Variants in DOK6 observed in about 807,000 individuals in gnomAD.
DOK6 encodes the protein downstream of tyrosine kinase 6.
Under a neutral mutation model 44.0 loss-of-function variants are expected in DOK6, and 22 were observed. The ratio of observed to expected loss-of-function variants is 0.50; its 90% CI spans 0.36 to 0.71. DOK6 has a LOEUF of 0.71. DOK6 is among the 30% of genes least tolerant of loss of function. DOK6 has a pLI of 0.00. For missense variants in DOK6, 340 were observed against 416.4 expected (o/e 0.82, Z 1.60); for synonymous variants, 166 against 145.5 (o/e 1.14, Z -1.01).
intron 3 of DOK6, among the ~76,000 whole-genome samples, chr18:69,617,244 C>A (rs1037021873): frequency 6.6e-6 from 1 of 151,658 alleles, no homozygotes; most frequent in Non-Finnish European, 1.5e-5. Flanking sequence ...AGAGTGAGCC[C>A]AAGAGGTTGA....
rs190804223 is a variant in DOK6, at chr18:69,549,045, A to G, written c.67-15442A>G. Among the ~76,000 whole-genome samples the G allele has an allele frequency of 1.0e-3, 157 of 150,504 alleles. 5 individuals are homozygous for G. The East Asian group carries it at 0.027, about 26-fold the overall frequency. ...CGGGTGACGGAGCCTGCAGTGAGCC[A>G]AGATCGCGCCACTGCACATCAGCCT... On this transcript the variant is annotated intron_variant, in intron 1 of 7. Coordinates refer to ENST00000382713, the MANE Select transcript of DOK6 (RefSeq NM_152721.6).
intron 3 of DOK6, among the ~76,000 whole-genome samples, chr18:69,637,745 T>A (rs1051820783): frequency 7.0e-5 from 10 of 142,926 alleles, no homozygotes; most frequent in African/African-American, 2.5e-4. Flanking sequence ...TCTTTTTTTT[T>A]AAACCAGCAA....
At chr18:69,762,645 T>C (rs1599311836) in intron 7 of DOK6, among the ~76,000 whole-genome samples, 1 of 152,216 alleles carries the variant, frequency 6.6e-6, no homozygotes, top group South Asian at 2.1e-4. Flanking sequence ...AAAACTTTCA[T>C]ATATTTAAAG....
In DOK6 at chr18:69,492,137, C is replaced by A. The variant is rs73969766; in HGVS notation, c.67-72350C>A. Among the ~76,000 whole-genome samples, 256 of 152,140 alleles carry A rather than the reference C, an allele frequency of 1.7e-3. 2 individuals carry two copies. The highest frequency in any genetic ancestry group is 5.8e-3 in the African/African-American group (241 of 41,496). On this transcript the variant is annotated intron_variant, in intron 1 of 7. Coordinates refer to ENST00000382713, the MANE Select transcript of DOK6 (RefSeq NM_152721.6). ...TGTTATCTTATTTGCAGATAAACAA[C>A]GCATGTAAAAAGACTAATGTACTGT...
chr18:69,705,918 TA>T (rs34296321), intron 5 of DOK6, among the ~76,000 whole-genome samples: 93,375 of 145,740 alleles, frequency 0.64, 30,057 homozygotes, highest in East Asian at 0.86. Context: ...TAAATGTGAT[TA>T]AAAAAAAAAA....
intron 1 of DOK6, among the ~76,000 whole-genome samples, chr18:69,527,602 G>A (rs1981866584): frequency 6.6e-6 from 1 of 152,168 alleles, no homozygotes; most frequent in African/African-American, 2.4e-5. Flanking sequence ...TGGGGACAGA[G>A]TCAAACCATA....
At chr18:69,538,486 G>A (rs908492316) in intron 1 of DOK6, among the ~76,000 whole-genome samples, 2 of 152,020 alleles carry the variant, frequency 1.3e-5, no homozygotes, top group Non-Finnish European at 1.5e-5. Context: ...GGGCTCAAGC[G>A]ATCCTCTACC....
chr18:69,694,677 A>G (rs941431153), intron 4 of DOK6, among the ~76,000 whole-genome samples: 7 of 152,152 alleles, frequency 4.6e-5, no homozygotes, highest in Non-Finnish European at 1.0e-4. Context: ...TTGTTTCTAC[A>G]TAACCTTTTC....
chr18:69,731,330 T>C (rs188779886), intron 5 of DOK6, among the ~76,000 whole-genome samples: 1 of 152,274 alleles, frequency 6.6e-6, no homozygotes, highest in Non-Finnish European at 1.5e-5. Context: ...AAATATTACA[T>C]CTTCCATTGA....
At chr18:69,513,302 G>C (rs1177413042) in intron 1 of DOK6, among the ~76,000 whole-genome samples, 1 of 152,224 alleles carries the variant, frequency 6.6e-6, no homozygotes, top group African/African-American at 2.4e-5. Flanking sequence ...AGCTAATTAA[G>C]TTTCTAGCCT....
At chr18:69,749,053 GA>G (rs1184343893) in intron 6 of DOK6, among the ~76,000 whole-genome samples, 8 of 151,862 alleles carry the variant, frequency 5.3e-5, no homozygotes, top group African/African-American at 1.7e-4. Context: ...ACTAATGCAG[GA>G]ACAGAAAACC....
At position 69,507,240 on chromosome 18, in the gene DOK6, A is replaced by G. The variant is rs141027675; in HGVS notation, c.67-57247A>G. Among the ~76,000 whole-genome samples the G allele has an allele frequency of 6.2e-3, 940 of 151,198 alleles. 9 individuals are homozygous for G. The highest frequency in any genetic ancestry group is 0.018 in the African/African-American group (738 of 41,434). Reference sequence around the variant, plus strand: ...GAGGGGGTTTCACCGTGTTAGCCAGAATGGTCTTGATCTCCTGACCTTGTG... The same window carrying G: ...GAGGGGGTTTCACCGTGTTAGCCAGGATGGTCTTGATCTCCTGACCTTGTG... On this transcript the variant is annotated intron_variant, in intron 1 of 7. Transcript: ENST00000382713.
intron 1 of DOK6, among the ~76,000 whole-genome samples, chr18:69,408,506 TTATTTAAA>T (rs1213267999): frequency 9.2e-5 from 14 of 152,346 alleles, no homozygotes; most frequent in African/African-American, 3.1e-4. Context: ...ATTTTACAAG[TTATTTAAA>T]TAGTTAAATA....
intron 7 of DOK6, among the ~76,000 whole-genome samples, chr18:69,760,340 C>G (rs1364234174): frequency 3.3e-5 from 5 of 152,130 alleles, no homozygotes; most frequent in Admixed American, 3.3e-4. Flanking sequence ...ATTTAGAAGC[C>G]TAGTTATCCA....
At chr18:69,545,646 G>A (rs1982385463) in intron 1 of DOK6, among the ~76,000 whole-genome samples, 1 of 151,202 alleles carries the variant, frequency 6.6e-6, no homozygotes, top group East Asian at 1.9e-4. Context: ...AATATGAAGA[G>A]AAAGCTAAAT....
chr18:69,403,144 A>G (rs1916134761), intron 1 of DOK6, among the ~76,000 whole-genome samples: 1 of 152,184 alleles, frequency 6.6e-6, no homozygotes, highest in Non-Finnish European at 1.5e-5. Context: ...TAAGTCCCAG[A>G]CAAGATGTAT....
chr18:69,540,769 A>C (rs1347466848), intron 1 of DOK6, among the ~76,000 whole-genome samples: 1 of 152,152 alleles, frequency 6.6e-6, no homozygotes, highest in Non-Finnish European at 1.5e-5. Flanking sequence ...GCTTTGTTAT[A>C]GATTCAAGTT....
intron 2 of DOK6, among the ~76,000 whole-genome samples, chr18:69,596,254 A>C (rs1983738056): frequency 6.6e-6 from 1 of 152,148 alleles, no homozygotes; most frequent in Non-Finnish European, 1.5e-5. Context: ...ATATGCCCCC[A>C]GGATATTTTT....
In DOK6 at chr18:69,845,320, C is replaced by T. The variant is rs1348797257; in HGVS notation, c.*3937C>T. On this transcript the variant is annotated 3_prime_UTR_variant, in exon 8 of 8. Transcript: ENST00000382713. ...TTTTAAAATATTATATTGAAGACTG[C>T]ACAAAGAGAAAATTATACATGTTTC... 2 of 152,190 alleles carry T rather than the reference C, an allele frequency of 1.3e-5. No homozygotes were observed. The highest frequency in any genetic ancestry group is 2.9e-5 in the Non-Finnish European group (2 of 68,026). The allele number at this position is 152,190 out of a possible 1,614,324, so 9.4% of individuals were successfully genotyped here. A position where few individuals can be genotyped will look rare whatever the true frequency, so the allele number is the denominator to read the frequency against.
Sources: gnomAD v4.1 joint callset for allele counts (sites outside exome capture counted in the v4.1 genomes callset) on GRCh38, gnomAD v4.1.1 for gene constraint, MANE v1.5 for transcripts, NCBI Gene and HGNC (gene_info 2026-07-23, HGNC 2026-07-21) for gene names.